The following RMDN1 variants were observed in gnomAD, a reference collection of about 807,000 sequenced individuals.
RMDN1 encodes the protein regulator of microtubule dynamics 1.
Under a neutral mutation model 48.9 loss-of-function variants are expected in RMDN1, and 48 were observed. That is an observed-to-expected ratio of 0.98 (90% CI 0.78 to 1.25). The LOEUF is 1.25. RMDN1 is among the 50% of genes most tolerant of loss of function. The pLI is 0.00. For synonymous variants in RMDN1, 148 were observed against 132.6 expected, an observed-to-expected ratio of 1.12 and a Z score of -0.80; for missense variants, 418 against 373.4, an observed-to-expected ratio of 1.12 and a Z score of -0.98.
At chr8:86,484,782 T>C in intron 5 of RMDN1, 90 bp downstream of exon 5, 1 of 656,380 alleles carries the variant, frequency 1.5e-6, no homozygotes, top group Admixed American at 2.9e-5. Flanking sequence ...TCATAGGTGG[T>C]TTGATATACA....
At position 86,473,312 on chromosome 8, in the gene RMDN1, G is replaced by GT. The variant is rs1346420624; in HGVS notation, c.*995dup. ...TTACAAAACTTAAAAAGATTTTGCA[G>GT]TGGTGGCACTCCAGCCTCAAGTGAG... On this transcript the variant is annotated 3_prime_UTR_variant, in exon 10 of 10. Coordinates refer to ENST00000406452, the MANE Select transcript of RMDN1 (RefSeq NM_016033.3). 1.0e-6 allele frequency: 1 copy of GT among 985,280 alleles called. No individual in the cohort carries two copies. The highest frequency in any genetic ancestry group is 1.7e-5 in the African/African-American group (1 of 57,238). 61.0% of individuals were successfully genotyped at this position (985,280 alleles called of 1,614,324 possible). A position where few individuals can be genotyped will look rare whatever the true frequency, so the allele number is the denominator to read the frequency against.
intron 8 of RMDN1, among the ~76,000 whole-genome samples, chr8:86,476,208 T>C (rs1563582757): frequency 6.6e-6 from 1 of 152,224 alleles, no homozygotes. Context: ...TTTTACTTTG[T>C]AATTAACTTT....
chr8:86,492,813 T>A lies in RMDN1; in HGVS notation c.248-4174A>T, dbSNP rs1403346665. On this transcript the variant is annotated intron_variant, in intron 2 of 9. Coordinates refer to ENST00000406452, the MANE Select transcript of RMDN1 (RefSeq NM_016033.3). ...AAGTCATCCTATAATCCCATCCAAC[T>A]AAAATGTCAATGATATTTATGCCCT... 2.6e-5 allele frequency among the ~76,000 whole-genome samples: 4 copies of A among 152,040 alleles called. No homozygotes were observed. In the East Asian group the frequency reaches 7.7e-4, roughly 29 times the overall value.
chr8:86,492,026 C>T (rs1290752317), intron 2 of RMDN1, among the ~76,000 whole-genome samples: 1 of 152,088 alleles, frequency 6.6e-6, no homozygotes, highest in African/African-American at 2.4e-5. Flanking sequence ...CTCAGCAGTA[C>T]CAGCAACAGT....
At chr8:86,485,296 G>A (rs1375781868) in intron 4 of RMDN1, among the ~76,000 whole-genome samples, 1 of 152,116 alleles carries the variant, frequency 6.6e-6, no homozygotes, top group African/African-American at 2.4e-5. Flanking sequence ...ATGGTAGCAT[G>A]TGCCTGTAAT....
Position 86,472,629 on chromosome 8 carries a change from T to G in RMDN1, c.*1679A>C. 1 of 599,096 alleles carries G rather than the reference T, an allele frequency of 1.7e-6. No homozygotes were observed. 37.1% of individuals were successfully genotyped at this position (599,096 alleles called of 1,614,324 possible). On this transcript the variant is annotated 3_prime_UTR_variant, in exon 10 of 10. Transcript: ENST00000406452. The stretch of plus-strand genomic sequence containing the variant: ...TTGCCTAGCTACCCTGACCACATTA[T>G]TTTTTCACTGTATCAGTGGTGTGTC...
chr8:86,505,130 T>C (rs1819095880), intron 2 of RMDN1: 5 of 1,294,500 alleles, frequency 3.9e-6, no homozygotes, highest in Non-Finnish European at 5.1e-6. Flanking sequence ...ATGAGAGACC[T>C]CATCAGGATG....
At chr8:86,486,741 G>T (rs1654245742) in intron 3 of RMDN1, 98 bp from the exon 4 acceptor site, 5 of 843,356 alleles carry the variant, frequency 5.9e-6, no homozygotes, top group Non-Finnish European at 8.3e-6. Flanking sequence ...TTTCAGCTTA[G>T]GAAGCTAGCA....
Position 86,508,568 on chromosome 8 carries a change from G to A in RMDN1, c.53C>T (p.Ala18Val), listed in dbSNP as rs1819799587. 6.2e-7 allele frequency: 1 copy of A among 1,601,786 alleles called. No individual in the cohort carries two copies. The highest frequency in any genetic ancestry group is 1.3e-5 in the African/African-American group (1 of 74,796). Residue 18 changes from alanine to valine, a missense_variant, in exon 1 of 10, where the codon GCC (alanine) becomes GTC (valine). By Grantham distance (64) the Ala-to-Val change is moderately conservative. Transcript: ENST00000406452. ...WRLLPFRRGAAPGSRLPAGTS... is the reference protein window; with the variant it reads ...WRLLPFRRGAVPGSRLPAGTS... Reference sequence around the variant, plus strand: ...CCCCGCAGGGAGACGAGACCCCGGGGCGGCTCCACGTCGGAAAGGCAGAAG... The same window carrying A: ...CCCCGCAGGGAGACGAGACCCCGGGACGGCTCCACGTCGGAAAGGCAGAAG...
downstream of RMDN1, among the ~76,000 whole-genome samples, chr8:86,472,040 C>T (rs756411006): frequency 1.3e-5 from 2 of 152,180 alleles, no homozygotes; most frequent in Non-Finnish European, 2.9e-5. Flanking sequence ...TGTTAGAGAA[C>T]TGTTAACTTC....
At chr8:86,471,023 A>C (rs1812512485), downstream of RMDN1, among the ~76,000 whole-genome samples, 1 of 152,196 alleles carries the variant, frequency 6.6e-6, no homozygotes. Context: ...AGCATTTAAA[A>C]GTGGTAAAAT....
chr8:86,514,210 A>T, intron 1 of RMDN1: 1 of 963,748 alleles, frequency 1.0e-6, no homozygotes, highest in South Asian at 4.8e-5. Flanking sequence ...TTAATCCTTA[A>T]GGAATTTATT....
chr8:86,474,588 A>G (rs561417306), intron 9 of RMDN1: 3 of 712,522 alleles, frequency 4.2e-6, no homozygotes, highest in Non-Finnish European at 7.6e-6. Context: ...ATGTGTGTCA[A>G]ACAGGAATAA....
At chr8:86,514,004 T>A (rs1008349653) in intron 1 of RMDN1, among the ~76,000 whole-genome samples, 1 of 151,862 alleles carries the variant, frequency 6.6e-6, no homozygotes, top group Non-Finnish European at 1.5e-5. Flanking sequence ...CACGCCCAGC[T>A]ATTTTTTTTT....
At chr8:86,490,614 G>C (rs1194284342) in intron 2 of RMDN1, among the ~76,000 whole-genome samples, 1 of 151,930 alleles carries the variant, frequency 6.6e-6, no homozygotes, top group Non-Finnish European at 1.5e-5. Context: ...TGAACGGCAA[G>C]ATACAGAACT....
intron 9 of RMDN1, chr8:86,474,575 G>T: frequency 1.4e-6 from 1 of 705,988 alleles, no homozygotes; most frequent in Non-Finnish European, 2.5e-6. Context: ...AACTCGATCT[G>T]CCATGTGTGT....
upstream of RMDN1, chr8:86,508,725 T>TCCTGCACAGCACCTCTTCCGCCG: frequency 7.1e-7 from 1 of 1,412,726 alleles, no homozygotes; most frequent in Non-Finnish European, 9.2e-7. Flanking sequence ...CCCGCCCGCC[T>TCCTGCACAGCACCTCTTCCGCCG]CCTGCACAGC....
In RMDN1 at chr8:86,495,811, C is replaced by T. The variant is rs1185168525; in HGVS notation, c.248-7172G>A. On this transcript the variant is annotated intron_variant, in intron 2 of 9. Coordinates refer to ENST00000406452, the MANE Select transcript of RMDN1 (RefSeq NM_016033.3). Reference sequence around the variant, plus strand: ...ACTTAGGAAATGCAGAGAACCCCTACAAGATAGTATATAAAACAACCATCC... The same window carrying T: ...ACTTAGGAAATGCAGAGAACCCCTATAAGATAGTATATAAAACAACCATCC... Among the ~76,000 whole-genome samples the T allele has an allele frequency of 2.0e-5, 3 of 152,260 alleles. No individual in the cohort carries two copies. The East Asian group carries it at 5.8e-4, about 29-fold the overall frequency.
downstream of RMDN1, among the ~76,000 whole-genome samples, chr8:86,471,633 G>GAGAT (rs1474473230): frequency 6.6e-6 from 1 of 152,048 alleles, no homozygotes; most frequent in Non-Finnish European, 1.5e-5. Flanking sequence ...TAAGGAAGAA[G>GAGAT]AGATACAACC....
Sources: gnomAD v4.1 joint callset for allele counts (sites outside exome capture counted in the v4.1 genomes callset) on GRCh38, gnomAD v4.1.1 for gene constraint, MANE v1.5 for transcripts, NCBI Gene and HGNC (gene_info 2026-07-23, HGNC 2026-07-21) for gene names.